Variants in ERP44 observed in about 807,000 individuals in gnomAD.
ERP44 encodes endoplasmic reticulum resident protein 44.
A neutral mutation model predicts 53.4 loss-of-function variants in ERP44; 25 were observed. That is an observed-to-expected ratio of 0.47 (90% CI 0.34 to 0.65). The LOEUF is 0.65. ERP44 is among the 30% of genes least tolerant of loss of function. ERP44 has a pLI of 0.01. For missense variants in ERP44, 338 were observed against 493.2 expected (o/e 0.69, Z 2.98); for synonymous variants, 145 against 161.2 (o/e 0.90, Z 0.76).
intron 4 of ERP44, among the ~76,000 whole-genome samples, chr9:100,043,255 T>G: frequency 7.6e-5 from 1 of 13,170 alleles, no homozygotes; most frequent in South Asian, 8.8e-3. Context: ...CGAGACTCTG[T>G]CTCAAAAAAA....
intron 2 of ERP44, among the ~76,000 whole-genome samples, chr9:100,059,110 C>T (rs934283957): frequency 2.6e-4 from 40 of 152,066 alleles, no homozygotes; most frequent in African/African-American, 8.5e-4. Context: ...TAAAGAGACT[C>T]CATAAGACAG....
intron 10 of ERP44, among the ~76,000 whole-genome samples, chr9:100,001,870 T>C (rs1428458801): frequency 6.6e-6 from 1 of 152,196 alleles, no homozygotes; most frequent in Non-Finnish European, 1.5e-5. Flanking sequence ...GTTCACTGGT[T>C]GTTTTGTAGA....
chr9:100,048,117 C>G (rs1010719348), intron 4 of ERP44, among the ~76,000 whole-genome samples: 3 of 151,970 alleles, frequency 2.0e-5, no homozygotes, highest in African/African-American at 7.3e-5. Context: ...GTCACACACA[C>G]CGTAGTCCCA....
intron 1 of ERP44, among the ~76,000 whole-genome samples, chr9:100,079,413 T>TACAC (rs58110423): frequency 0.16 from 21,998 of 137,104 alleles, 1,982 homozygotes; most frequent in South Asian, 0.28. Context: ...AACTCCCCTT[T>TACAC]ACACACACAC....
At chr9:100,003,838 C>T (rs1384510386) in intron 10 of ERP44, among the ~76,000 whole-genome samples, 1 of 152,122 alleles carries the variant, frequency 6.6e-6, no homozygotes, top group Non-Finnish European at 1.5e-5. Flanking sequence ...CAGGGGCTGG[C>T]CTGGAGCCTG....
intron 3 of ERP44, among the ~76,000 whole-genome samples, chr9:100,053,163 A>T (rs1379535541): frequency 4.6e-5 from 7 of 152,206 alleles, no homozygotes; most frequent in Non-Finnish European, 8.8e-5. Flanking sequence ...AGTTATATTA[A>T]AAGAATATAT....
chr9:100,090,112 G>A (rs1261996543), intron 1 of ERP44, among the ~76,000 whole-genome samples: 1 of 152,102 alleles, frequency 6.6e-6, no homozygotes, highest in Non-Finnish European at 1.5e-5. Flanking sequence ...AAAGTTTGAG[G>A]AATGAGTCCA....
At chr9:100,075,439 C>T (rs1311484867) in intron 1 of ERP44, among the ~76,000 whole-genome samples, 1 of 152,230 alleles carries the variant, frequency 6.6e-6, no homozygotes, top group Non-Finnish European at 1.5e-5. Flanking sequence ...TATCAACTCT[C>T]CAGCTCTGTG....
chr9:100,033,620 C>A (rs188821373), intron 4 of ERP44, among the ~76,000 whole-genome samples: 1 of 152,268 alleles, frequency 6.6e-6, no homozygotes, highest in African/African-American at 2.4e-5. Flanking sequence ...AGCAGTCTTA[C>A]CATGATTTAT....
chr9:100,010,451 T>G (rs1027677413), intron 8 of ERP44, among the ~76,000 whole-genome samples: 2 of 152,170 alleles, frequency 1.3e-5, no homozygotes, highest in African/African-American at 4.8e-5. Flanking sequence ...AAATCTGGTT[T>G]TAAAAACTAC....
rs575394132 is a variant in ERP44 at position 100,011,041 on chromosome 9, T to C, written c.763-3352A>G. The stretch of plus-strand genomic sequence containing the variant: ...AAATGGAAAAGACTAACAATTCAAA[T>C]ATAAAGAAATATTTTTTAAATGTTT... On this transcript the variant is annotated intron_variant, in intron 8 of 11. Transcript: ENST00000262455. Among the ~76,000 whole-genome samples, 3 of 152,138 alleles carry C rather than the reference T, an allele frequency of 2.0e-5. No individual in the cohort carries two copies. In the South Asian group the frequency reaches 6.2e-4, roughly 32 times the overall value.
At chr9:99,987,978 CTT>C (rs1185622987) in intron 10 of ERP44, among the ~76,000 whole-genome samples, 1 of 152,142 alleles carries the variant, frequency 6.6e-6, no homozygotes, top group Non-Finnish European at 1.5e-5. Context: ...TTTTTGTGAA[CTT>C]TGTCTAGAAT....
chr9:100,039,089 G>A (rs534470362), intron 4 of ERP44, among the ~76,000 whole-genome samples: 1 of 152,254 alleles, frequency 6.6e-6, no homozygotes, highest in South Asian at 2.1e-4. Context: ...AATAATAGCT[G>A]GAGACTTAAA....
Position 100,098,877 on chromosome 9 carries a change from C to A in ERP44, c.-37G>T, listed in dbSNP as rs746004722. On this transcript the variant is annotated 5_prime_UTR_variant, in exon 1 of 12. Transcript: ENST00000262455. The stretch of plus-strand genomic sequence containing the variant: ...GGTCCGTGACAGGGACAGGCGCTGG[C>A]GGCTGGGACTGGGCTAGGTTGGGTT... 6.3e-7 allele frequency: 1 copy of A among 1,590,588 alleles called. No homozygotes were observed. Among genetic ancestry groups the A allele is most frequent in the South Asian group, 1.1e-5 (1 of 90,314 alleles).
chr9:100,006,789 C>T (rs1830429088), intron 9 of ERP44, 142 bp from the exon 10 acceptor site: 1 of 558,306 alleles, frequency 1.8e-6, no homozygotes, highest in Non-Finnish European at 3.1e-6. Context: ...AAAACTAAAA[C>T]CTAAATATCT....
intron 10 of ERP44, among the ~76,000 whole-genome samples, chr9:100,005,604 A>G (rs1830417955): frequency 2.6e-5 from 4 of 152,318 alleles, no homozygotes; most frequent in Admixed American, 6.5e-5. Context: ...TTTTTTATAT[A>G]CGAAGAAACA....
intron 3 of ERP44, among the ~76,000 whole-genome samples, 184 bp from the exon 4 acceptor site, chr9:100,052,716 A>G (rs1416968826): frequency 6.6e-6 from 1 of 152,160 alleles, no homozygotes; most frequent in African/African-American, 2.4e-5. Flanking sequence ...AAGTTCAAAG[A>G]CTGTATACCA....
chr9:100,034,342 C>T (rs370537491), intron 4 of ERP44, among the ~76,000 whole-genome samples: 22 of 152,222 alleles, frequency 1.4e-4, no homozygotes, highest in Non-Finnish European at 2.1e-4. Flanking sequence ...ACAAATGACA[C>T]GGCAATGTCA....
In ERP44 at chr9:100,086,010, G is replaced by C. The variant is rs532554932; in HGVS notation, c.57+12774C>G. ...ACTCTTTCCTTACTAAATTCAACTA[G>C]AGAAAGATTATATTTTTCTAAAGAT... On this transcript the variant is annotated intron_variant, in intron 1 of 11. Transcript: ENST00000262455. Among the ~76,000 whole-genome samples, 266 of 152,236 alleles carry C rather than the reference G, an allele frequency of 1.7e-3. 1 individual carries two copies. The highest frequency in any genetic ancestry group is 1.7e-3 in the Non-Finnish European group (114 of 68,024).
Sources: allele counts gnomAD v4.1 joint callset (sites outside exome capture counted in the v4.1 genomes callset), GRCh38; gene constraint gnomAD v4.1.1; transcripts MANE v1.5; gene names NCBI Gene and HGNC (gene_info 2026-07-23, HGNC 2026-07-21).